The following CCDC121 variants were observed in gnomAD, a reference collection of about 807,000 sequenced individuals.
The protein encoded by CCDC121 is coiled-coil domain containing 121.
For missense variants in CCDC121, 238 were observed against 304.1 expected (o/e 0.78, Z 1.62); for synonymous variants, 108 against 120.0 (o/e 0.90, Z 0.65).
chr2:27,627,940 C>CCT, intron 1 of CCDC121, 23 bp from the exon 2 acceptor site: 1 of 1,511,182 alleles, frequency 6.6e-7, no homozygotes, highest in Non-Finnish European at 9.2e-7. Flanking sequence ...ACGAGACATT[C>CCT]CTCTGTCAGT....
In CCDC121 at chr2:27,626,907, T is replaced by C. The variant is rs1673295011; in HGVS notation, c.*56A>G. The C allele has an allele frequency of 2.4e-6, 3 of 1,249,064 alleles. No homozygotes were observed. Among genetic ancestry groups the C allele is most frequent in the Non-Finnish European group, 2.3e-6 (2 of 884,166 alleles). The allele number at this position is 1,249,064 out of a possible 1,614,324, so 77.4% of individuals were successfully genotyped here. On this transcript the variant is annotated 3_prime_UTR_variant, in exon 2 of 2. Coordinates refer to ENST00000324364, the MANE Select transcript of CCDC121 (RefSeq NM_024584.5). ...CCAACAGCCTTTCTAACCAGGTTAA[T>C]GTAGCACTTAAGAGTACTTGCTCCA...
chr2:27,628,857 T>C (rs1673400932), intron 1 of CCDC121, 93 bp downstream of exon 1: 2 of 1,466,256 alleles, frequency 1.4e-6, no homozygotes, highest in African/African-American at 2.8e-5. Flanking sequence ...TCTCGCTTGC[T>C]CAGCGCCCCC....
rs1572946412 is a variant in CCDC121 at position 27,627,972 on chromosome 2, G to A, written c.-118-55C>T. ...CAGTTAATGAAACTTTAGGAAGTAAGTGCACAACTGTCCTTCATTCATACA... is the reference window on the plus strand; with the variant it reads ...CAGTTAATGAAACTTTAGGAAGTAAATGCACAACTGTCCTTCATTCATACA... On this transcript the variant is annotated intron_variant, in intron 1 of 1. Transcript: ENST00000324364. 7 of 1,160,670 alleles carry A rather than the reference G, an allele frequency of 6.0e-6. No homozygotes were observed. In the East Asian group the frequency reaches 1.6e-4, roughly 27 times the overall value. The allele number at this position is 1,160,670 out of a possible 1,614,324, so 71.9% of individuals were successfully genotyped here. A position where few individuals can be genotyped will look rare whatever the true frequency, so the allele number is the denominator to read the frequency against.
chr2:27,628,305 T>C (rs1444941873), intron 1 of CCDC121: 1 of 1,274,480 alleles, frequency 7.8e-7, no homozygotes, highest in Admixed American at 2.8e-5. Context: ...GTAGAAATAA[T>C]TTTCTAGGCT....
chr2:27,627,299 C>T lies in CCDC121; in HGVS notation c.501G>A (p.Lys167=), dbSNP rs1480116184. ...TCATATTAAGCTCTCTTCTTTTTCT[C>T]TTTCCCAGTAGCCTCCTGTCTGGCT... is the stretch of plus-strand genomic sequence containing the variant. ...LSEPDRRLLG[K]RKRRELNMKA... is the part of the protein sequence containing the mutation. Residue 167 remains lysine, a synonymous_variant, in exon 2 of 2, where the codon AAG becomes AAA. Coordinates refer to ENST00000324364, the MANE Select transcript of CCDC121 (RefSeq NM_024584.5). 1.2e-6 allele frequency: 2 copies of T among 1,613,886 alleles called. No individual in the cohort carries two copies. The highest frequency in any genetic ancestry group is 1.3e-5 in the African/African-American group (1 of 74,932).
chr2:27,628,547 G>C (rs1302172414), intron 1 of CCDC121: 10 of 1,551,342 alleles, frequency 6.4e-6, no homozygotes, highest in African/African-American at 4.1e-5. Flanking sequence ...TTATTCGTTC[G>C]GTGCTCAAAG....
In CCDC121 at chr2:27,628,949, C is replaced by CAG. The variant is rs1371769027; in HGVS notation, c.-119_-119+1insCT. 1 of 1,552,600 alleles carries CAG rather than the reference C, an allele frequency of 6.4e-7. No homozygotes were observed. The highest frequency in any genetic ancestry group is 1.4e-5 in the African/African-American group (1 of 73,302). ...GCCCTGGCAACCGCCGCGCCCCTCA[C>CAG]CCGCTCCTTTCTGACGCTGTGGTGG... is the stretch of plus-strand genomic sequence containing the variant. On this transcript the variant is annotated splice_region_variant and 5_prime_UTR_variant. Coordinates refer to ENST00000324364, the MANE Select transcript of CCDC121 (RefSeq NM_024584.5).
intron 1 of CCDC121, 129 bp from the exon 2 acceptor site, chr2:27,628,046 G>A (rs1673351440): frequency 5.7e-6 from 4 of 702,022 alleles, no homozygotes; most frequent in Non-Finnish European, 9.5e-6. Flanking sequence ...TGCAAGGTGT[G>A]GGGAATCCAG....
rs904715150 is a variant in CCDC121 at position 27,627,925 on chromosome 2, A to G, written c.-118-8T>C. 3 of 1,572,980 alleles carry G rather than the reference A, an allele frequency of 1.9e-6. No individual in the cohort carries two copies. Among genetic ancestry groups the G allele is most frequent in the Non-Finnish European group, 2.6e-6 (3 of 1,144,136 alleles). On this transcript the variant is annotated splice_region_variant and splice_polypyrimidine_tract_variant and intron_variant, in intron 1 of 1. Coordinates refer to ENST00000324364, the MANE Select transcript of CCDC121 (RefSeq NM_024584.5). ...CTGGGGCCCTCAGCAAACCTGAAAG[A>G]ACAAACGAGACATTCCTCTGTCAGT...
rs766734764 is a variant in CCDC121, at chr2:27,627,590, T to A, written c.210A>T (p.Arg70=). Residue 70 remains arginine, a synonymous_variant, in exon 2 of 2, where the codon CGA becomes CGT. Transcript: ENST00000324364. Reference sequence around the variant, plus strand: ...ATCTGGAGGCTGATTCTTGTCTTCTTCGTTCAATCTCTCCACTTTTTTGTA... The same window carrying A: ...ATCTGGAGGCTGATTCTTGTCTTCTACGTTCAATCTCTCCACTTTTTTGTA... The part of the protein sequence containing the change: ...SYLQKSGEIE[R]RRQESASRYA... 9.4e-5 allele frequency: 152 copies of A among 1,614,066 alleles called. No individual in the cohort carries two copies. The highest frequency in any genetic ancestry group is 1.3e-4 in the Non-Finnish European group (150 of 1,180,042).
At chr2:27,628,417 T>C in intron 1 of CCDC121, 2 of 1,551,622 alleles carry the variant, frequency 1.3e-6, no homozygotes, top group Non-Finnish European at 1.7e-6. Flanking sequence ...GCATTCATCC[T>C]GAAGGTCACG....
chr2:27,628,998 T>A lies in CCDC121; in HGVS notation c.-167A>T, dbSNP rs753365995. On this transcript the variant is annotated 5_prime_UTR_variant, in exon 1 of 2. Coordinates refer to ENST00000324364, the MANE Select transcript of CCDC121 (RefSeq NM_024584.5). ...GGTTTTCGTTCGCAGCCCAGAACATTGCGGAAGTTTCTCTACCCATGCGGT... is the reference window on the plus strand; with the variant it reads ...GGTTTTCGTTCGCAGCCCAGAACATAGCGGAAGTTTCTCTACCCATGCGGT... 3.7e-6 allele frequency: 6 copies of A among 1,608,810 alleles called. No individual in the cohort carries two copies. In the African/African-American group the frequency reaches 5.3e-5, roughly 14 times the overall value.
Position 27,627,044 on chromosome 2 carries a change from AT to A in CCDC121, c.755del (p.Asn252IlefsTer4), listed in dbSNP as rs1387345637. 2 of 1,614,208 alleles carry A rather than the reference AT, an allele frequency of 1.2e-6. No homozygotes were observed. Among genetic ancestry groups the A allele is most frequent in the Non-Finnish European group, 1.7e-6 (2 of 1,180,024 alleles). On this transcript the variant is annotated frameshift_variant, in exon 2 of 2. Coordinates refer to ENST00000324364, the MANE Select transcript of CCDC121 (RefSeq NM_024584.5). LOFTEE classifies it low-confidence loss of function (END_TRUNC). ...GAACATCCTGTCTATTTAGGCACTG[AT>A]TATGACTTCCTTGCAGTCTCTGCCT... is the stretch of plus-strand genomic sequence containing the variant. ...QARQRLQGSH[N>X]QCLNRQDVPK...
intron 1 of CCDC121, chr2:27,628,360 G>A (rs963461968): frequency 2.0e-6 from 3 of 1,522,498 alleles, no homozygotes; most frequent in Admixed American, 4.4e-5. Flanking sequence ...TCAGTGACTG[G>A]AGGGGAGGAA....
At chr2:27,628,288 G>T in intron 1 of CCDC121, 1 of 1,094,284 alleles carries the variant, frequency 9.1e-7, no homozygotes, top group Non-Finnish European at 1.3e-6. Flanking sequence ...AGACTGGGTG[G>T]TCAGGAGTAG....
rs376935258 is a variant in CCDC121, at chr2:27,627,472, T to C, written c.328A>G (p.Ile110Val). The C allele has an allele frequency of 3.7e-6, 6 of 1,614,078 alleles. No homozygotes were observed. The highest frequency in any genetic ancestry group is 3.3e-5 in the Admixed American group (2 of 60,010). The change falls in exon 2 of 2, where the codon ATT (isoleucine) becomes GTT (valine). Residue 110 changes from isoleucine (I) to valine (V), a missense_variant. Physicochemically the swap from Ile to Val is conservative, Grantham distance 29. Coordinates refer to ENST00000324364, the MANE Select transcript of CCDC121 (RefSeq NM_024584.5). Reference protein sequence around the residue: ...LKRKLQAMRDIAILKEKQEKE... With the variant: ...LKRKLQAMRDVAILKEKQEKE... ...TCCTGCTTTTCCTTTAATATAGCAA[T>C]GTCCCTCATTGCCTGCAACTTCCGC...
In CCDC121 at chr2:27,627,643, G is replaced by A. The variant is rs758453764; in HGVS notation, c.157C>T (p.Gln53Ter). 11 of 1,613,468 alleles carry A rather than the reference G, an allele frequency of 6.8e-6. No individual in the cohort carries two copies. The South Asian group carries it at 7.7e-5, about 11-fold the overall frequency. Residue 53 changes from glutamine (Q) to a stop codon, truncating the protein, a stop_gained, in exon 2 of 2, where the codon CAA (glutamine) becomes TAA (stop). Coordinates refer to ENST00000324364, the MANE Select transcript of CCDC121 (RefSeq NM_024584.5). LOFTEE classifies it low-confidence loss of function (END_TRUNC). ...LTNKTEEYTEQPEKVWNSYLQ... is the reference protein window; with the variant it reads ...LTNKTEEYTE The stretch of plus-strand genomic sequence containing the variant: ...TAGCTGTTCCATACCTTCTCAGGTT[G>A]CTCTGTGTACTCTTCAGTTTTGTTA...
In CCDC121 at chr2:27,628,739, G is replaced by A; in HGVS notation, c.-119+211C>T. 2.6e-6 allele frequency: 4 copies of A among 1,549,826 alleles called. No homozygotes were observed. The Admixed American group carries it at 7.9e-5, about 30-fold the overall frequency. On this transcript the variant is annotated intron_variant, in intron 1 of 1. Transcript: ENST00000324364. ...GGCATGCTCCTCGTTTTCTTGCTGTGTGAGCCCTGCCCTCGGGACCCCATC... is the reference window on the plus strand; with the variant it reads ...GGCATGCTCCTCGTTTTCTTGCTGTATGAGCCCTGCCCTCGGGACCCCATC...
intron 1 of CCDC121, 92 bp downstream of exon 1, chr2:27,628,858 C>T (rs749039588): frequency 1.4e-6 from 2 of 1,465,850 alleles, no homozygotes; most frequent in Non-Finnish European, 9.0e-7. Context: ...CTCGCTTGCT[C>T]AGCGCCCCCA....
Sources: allele counts gnomAD v4.1 joint callset, GRCh38; gene constraint gnomAD v4.1.1; transcripts MANE v1.5; gene names NCBI Gene and HGNC (gene_info 2026-07-23, HGNC 2026-07-21).